Variants in FOXP2 observed in about 807,000 individuals in gnomAD.
The protein encoded by FOXP2 is forkhead box protein P2.
Under a neutral mutation model 115.8 loss-of-function variants are expected in FOXP2, and 12 were observed. The ratio of observed to expected loss-of-function variants is 0.10; its 90% confidence interval spans 0.07 to 0.17. FOXP2 has a LOEUF of 0.17. FOXP2 is among the 10% of genes least tolerant of loss of function. FOXP2 has a pLI of 1.00. For synonymous variants in FOXP2, 328 were observed against 297.7 expected (o/e 1.10, Z -1.05); for missense variants, 629 against 843.5 (o/e 0.75, Z 3.15).
chr7:114,627,958 T>C (rs1259621995), intron 3 of FOXP2, among the ~76,000 whole-genome samples: 1 of 151,938 alleles, frequency 6.6e-6, no homozygotes, highest in Non-Finnish European at 1.5e-5. Flanking sequence ...ATATATCTCC[T>C]ATATGAATTA....
At chr7:114,354,960 CACTGTTTTCAAT>C (rs1288763932) in intron 2 of FOXP2, among the ~76,000 whole-genome samples, 1 of 152,048 alleles carries the variant, frequency 6.6e-6, no homozygotes, top group African/African-American at 2.4e-5. Flanking sequence ...CTTTTTCTGT[CACTGTTTTCAAT>C]ACTGAATTCT....
In FOXP2 at chr7:114,601,162, C is replaced by T. The variant is rs376674927; in HGVS notation, c.259-27378C>T. Among the ~76,000 whole-genome samples the T allele has an allele frequency of 2.8e-3, 428 of 152,174 alleles. 1 individual carries two copies. Among genetic ancestry groups the T allele is most frequent in the African/African-American group, 9.4e-3 (390 of 41,524 alleles). On this transcript the variant is annotated intron_variant, in intron 3 of 16. Transcript: ENST00000350908. The stretch of plus-strand genomic sequence containing the variant: ...TGTATTTTTAGTAGAGACAGGGTTT[C>T]GCCATGTTGGCTAGGCTGGTCTTGA...
At chr7:114,101,356 T>C (rs1274539270) in intron 1 of FOXP2, among the ~76,000 whole-genome samples, 1 of 152,130 alleles carries the variant, frequency 6.6e-6, no homozygotes, top group African/African-American at 2.4e-5. Context: ...CTCACCCCAG[T>C]TGTTAAGAAA....
Position 114,268,700 on chromosome 7 carries a change from CTGTGTGTGTG to C in FOXP2, c.-101-19297_-101-19288del, listed in dbSNP as rs61371412. ...CGATTGGTGAAGTCTATACTCCCCACTGTGTGTGTGTGTGTGTGTGTGTGTGTGTGTATGT... is the reference window on the plus strand; with the variant it reads ...CGATTGGTGAAGTCTATACTCCCCACTGTGTGTGTGTGTGTGTGTGTATGT... On this transcript the variant is annotated intron_variant, in intron 1 of 17. Coordinates refer to the FOXP2 transcript ENST00000634411. Among the ~76,000 whole-genome samples the C allele has an allele frequency of 5.1e-3, 762 of 148,108 alleles. 4 individuals are homozygous for C. Among genetic ancestry groups the C allele is most frequent in the African/African-American group, 0.018 (712 of 40,620 alleles).
At chr7:114,229,801 T>C (rs1463835523) in intron 1 of FOXP2, among the ~76,000 whole-genome samples, 1 of 145,558 alleles carries the variant, frequency 6.9e-6, no homozygotes, top group Non-Finnish European at 1.5e-5. Context: ...AAAAGAAAAA[T>C]CCCAAATAAT....
chr7:114,501,224 T>C (rs1328409367), intron 2 of FOXP2, among the ~76,000 whole-genome samples: 2 of 152,188 alleles, frequency 1.3e-5, no homozygotes, highest in Non-Finnish European at 2.9e-5. Flanking sequence ...TTTATTAGAA[T>C]AGATTTTAAG....
At chr7:114,552,672 A>G (rs1355440041) in intron 3 of FOXP2, among the ~76,000 whole-genome samples, 2 of 152,208 alleles carry the variant, frequency 1.3e-5, no homozygotes, top group Non-Finnish European at 1.5e-5. Flanking sequence ...TGGATATAAT[A>G]CAATGTCCAT....
rs763921047 is a variant in FOXP2 at position 114,644,820 on chromosome 7, C to T, written c.1094+31C>T. On this transcript the variant is annotated intron_variant, in intron 8 of 16. Transcript: ENST00000350908. Reference sequence around the variant, plus strand: ...TTTTTTACTTTTTTTTGGTGGGGGGCGGGGGCTGGATTATATGGGCATTTT... The same window carrying T: ...TTTTTTACTTTTTTTTGGTGGGGGGTGGGGGCTGGATTATATGGGCATTTT... 6.8e-5 allele frequency: 101 copies of T among 1,483,944 alleles called. 2 individuals are homozygous for T. Among genetic ancestry groups the T allele is most frequent in the South Asian group, 3.6e-4 (32 of 87,724 alleles). The allele number at this position is 1,483,944 out of a possible 1,614,324, so 91.9% of individuals were successfully genotyped here. A position where few individuals can be genotyped will look rare whatever the true frequency, so the allele number is the denominator to read the frequency against.
chr7:114,106,696 A>T (rs901876774), intron 1 of FOXP2, among the ~76,000 whole-genome samples: 4 of 151,956 alleles, frequency 2.6e-5, no homozygotes, highest in African/African-American at 7.2e-5. Context: ...GGAAACCTGA[A>T]ACCTGAAACT....
At position 114,686,696 on chromosome 7, in the gene FOXP2, A is replaced by G. The variant is rs546025675; in HGVS notation, c.2004-3086A>G. 2.6e-5 allele frequency among the ~76,000 whole-genome samples: 4 copies of G among 152,314 alleles called. No homozygotes were observed. In the South Asian group the frequency reaches 6.2e-4, roughly 24 times the overall value. ...TCTTTGTTTGCTTTTGCTTAAAAGA[A>G]TATGTCTCTATAAGGACATCTGGAA... On this transcript the variant is annotated intron_variant, in intron 16 of 16. Transcript: ENST00000350908.
intron 2 of FOXP2, among the ~76,000 whole-genome samples, chr7:114,512,598 G>A (rs1428219783): frequency 1.3e-5 from 2 of 152,166 alleles, no homozygotes; most frequent in East Asian, 3.9e-4. Context: ...ATAGGGTTCT[G>A]TAGGGAGGAC....
At chr7:114,129,259 G>C (rs570036814) in intron 1 of FOXP2, among the ~76,000 whole-genome samples, 1 of 152,200 alleles carries the variant, frequency 6.6e-6, no homozygotes, top group South Asian at 2.1e-4. Flanking sequence ...GAAATTCAAG[G>C]ATTTTAACTG....
At chr7:114,125,311 T>C (rs985625438) in intron 1 of FOXP2, among the ~76,000 whole-genome samples, 2 of 152,172 alleles carry the variant, frequency 1.3e-5, no homozygotes, top group African/African-American at 4.8e-5. Flanking sequence ...ATCCATTCAG[T>C]ATTTTAAAGA....
intron 16 of FOXP2, among the ~76,000 whole-genome samples, chr7:114,674,722 T>C (rs1168870143): frequency 6.6e-6 from 1 of 152,196 alleles, no homozygotes; most frequent in African/African-American, 2.4e-5. Context: ...ACATCTTTCT[T>C]ATTCAGTCCT....
intron 16 of FOXP2, among the ~76,000 whole-genome samples, chr7:114,687,977 GAC>G (rs1385589761): frequency 6.6e-6 from 1 of 151,762 alleles, no homozygotes; most frequent in African/African-American, 2.4e-5. Flanking sequence ...AAACTAAGAA[GAC>G]ACACACACAT....
intron 16 of FOXP2, chr7:114,669,441 AT>A (rs1020967742): frequency 2.0e-5 from 3 of 152,050 alleles, no homozygotes; most frequent in African/African-American, 7.2e-5. Context: ...CATCCATGGT[AT>A]GAATAAAGGA....
chr7:114,439,255 A>T (rs1195391288), intron 2 of FOXP2, among the ~76,000 whole-genome samples: 1 of 152,098 alleles, frequency 6.6e-6, no homozygotes, highest in Non-Finnish European at 1.5e-5. Context: ...AAATTTTATT[A>T]TTCTATTATG....
chr7:114,657,976 A>G (rs1302555135), intron 10 of FOXP2, 90 bp from the exon 11 acceptor site: 2 of 1,386,172 alleles, frequency 1.4e-6, no homozygotes, highest in Admixed American at 1.7e-5. Context: ...ACACAGCTGT[A>G]GAAGTGAATC....
chr7:114,237,990 A>T (rs1003903765), intron 1 of FOXP2, among the ~76,000 whole-genome samples: 9 of 152,176 alleles, frequency 5.9e-5, no homozygotes, highest in Admixed American at 2.0e-4. Flanking sequence ...ACAAACAAAC[A>T]AACTAACAAA....
Sources: allele counts gnomAD v4.1 joint callset (sites outside exome capture counted in the v4.1 genomes callset), GRCh38; gene constraint gnomAD v4.1.1; transcripts MANE v1.5; gene names NCBI Gene and HGNC (gene_info 2026-07-23, HGNC 2026-07-21).